The following CD36 variants were observed in gnomAD, a reference collection of about 807,000 sequenced individuals.
CD36 encodes the protein platelet glycoprotein 4.
In CD36, 119 loss-of-function variants were observed where a neutral mutation model predicts 55.2. The ratio of observed to expected loss-of-function variants is 2.15; its 90% CI spans 1.86 to 2.51. The LOEUF is 2.51. CD36 is among the 30% of genes most tolerant of loss of function. The pLI is 0.00. For synonymous variants in CD36, 186 were observed against 193.6 expected, an observed-to-expected ratio of 0.96 and a Z score of 0.33; for missense variants, 819 against 555.5, an observed-to-expected ratio of 1.47 and a Z score of -4.77.
intron 8 of CD36, among the ~76,000 whole-genome samples, chr7:80,667,575 T>TA (rs1161221959): frequency 9.2e-5 from 14 of 151,738 alleles, no homozygotes; most frequent in Admixed American, 2.6e-4. Context: ...ATAACAAAGA[T>TA]AAAGACACTT....
rs1440455402 is a variant in CD36, at chr7:80,661,199, CT to C, written c.419del (p.Leu140ArgfsTer17). On this transcript the variant is annotated frameshift_variant, in exon 5 of 15. Transcript: ENST00000447544. LOFTEE classifies it high-confidence loss of function. ...GGCTGACAACTTCACAGTTCTCAATCTGGCTGTGGCAGTGAGTAGACAAACA... is the reference window on the plus strand; with the variant it reads ...GGCTGACAACTTCACAGTTCTCAATCGGCTGTGGCAGTGAGTAGACAAACA... ...TEADNFTVLNLAVAAASHIYQ... is the reference protein window; with the variant it reads ...TEADNFTVLNXAVAAASHIYQ... 6.2e-7 allele frequency: 1 copy of C among 1,613,962 alleles called. No individual in the cohort carries two copies. Among genetic ancestry groups the C allele is most frequent in the Admixed American group, 1.7e-5 (1 of 60,018 alleles).
chr7:80,608,828 T>C (rs781304288), intron 1 of CD36, among the ~76,000 whole-genome samples: 88 of 152,298 alleles, frequency 5.8e-4, no homozygotes, highest in Non-Finnish European at 1.0e-3. Context: ...CCTAACTAAT[T>C]AGTCACCAAG....
In CD36 at chr7:80,672,814, CCTATTGGTCAAG is replaced by C. The variant is rs763471880; in HGVS notation, c.1172_1183del (p.Leu391_Lys394del). ...AATTTGCAAAACGGCTGCAGGTCAA[CCTATTGGTCAAG>C]CCATCAGAAAAAATTCAGTGAGTCT... On this transcript the variant is annotated inframe_deletion, in exon 12 of 15. Coordinates refer to ENST00000447544, the MANE Select transcript of CD36 (RefSeq NM_001001548.3). The C allele has an allele frequency of 1.7e-5, 28 of 1,610,778 alleles. No individual in the cohort carries two copies. Among genetic ancestry groups the C allele is most frequent in the East Asian group, 1.6e-4 (7 of 44,626 alleles).
At chr7:80,647,282 GTAA>G (rs1795243088) in intron 3 of CD36, 1 of 211,750 alleles carries the variant, frequency 4.7e-6, no homozygotes, top group African/African-American at 2.3e-5. Context: ...GTGTGTGTGT[GTAA>G]TGTGTTTAAT....
intron 1 of CD36, among the ~76,000 whole-genome samples, chr7:80,620,049 T>A (rs760314804): frequency 1.3e-5 from 2 of 152,180 alleles, no homozygotes; most frequent in Admixed American, 6.5e-5. Flanking sequence ...TGAAATCTCC[T>A]GGTGAAGATG....
At chr7:80,672,991 G>C in intron 12 of CD36, 148 bp downstream of exon 12, 1 of 657,450 alleles carries the variant, frequency 1.5e-6, no homozygotes, top group Non-Finnish European at 2.8e-6. Context: ...ATTATTAAAT[G>C]CTTATGACTA....
intron 13 of CD36, 124 bp downstream of exon 13, chr7:80,673,533 T>C: frequency 1.4e-6 from 1 of 707,668 alleles, no homozygotes; most frequent in East Asian, 2.5e-5. Context: ...TATGGATGAG[T>C]ATACATTTAT....
Position 80,669,990 on chromosome 7 carries a change from G to A in CD36, c.786G>A (p.Gln262=). The change falls in exon 9 of 15, where the codon CAG becomes CAA. Residue 262 remains glutamine (Q), a synonymous_variant. Coordinates refer to ENST00000447544, the MANE Select transcript of CD36 (RefSeq NM_001001548.3). ...TTCCACCTTTTGTTGAGAAAAGCCA[G>A]GTATTGCAGTTCTTTTCTTCTGATA... The part of the protein sequence containing the change: ...ASFPPFVEKS[Q]VLQFFSSDIC... The A allele has an allele frequency of 1.2e-6, 2 of 1,611,870 alleles. No homozygotes were observed. Among genetic ancestry groups the A allele is most frequent in the Non-Finnish European group, 1.7e-6 (2 of 1,178,228 alleles).
At chr7:80,648,384 A>T (rs939821552) in intron 3 of CD36, among the ~76,000 whole-genome samples, 5 of 152,128 alleles carry the variant, frequency 3.3e-5, no homozygotes, top group Non-Finnish European at 7.4e-5. Context: ...GATTTAGACT[A>T]CTTTTTTTTG....
At chr7:80,637,393 C>T (rs1254352896), upstream of CD36, among the ~76,000 whole-genome samples, 4 of 151,668 alleles carry the variant, frequency 2.6e-5, no homozygotes, top group Non-Finnish European at 5.9e-5. Flanking sequence ...TAACTGAAAG[C>T]ATAAATTATA....
chr7:80,668,720 T>C (rs1163846958), intron 8 of CD36, among the ~76,000 whole-genome samples: 2 of 152,200 alleles, frequency 1.3e-5, no homozygotes, highest in Non-Finnish European at 2.9e-5. Context: ...TCAATGTCCA[T>C]ATGGGGGCTT....
chr7:80,667,751 T>TTTTTTTG (rs1562817031), intron 8 of CD36, among the ~76,000 whole-genome samples: 1 of 109,302 alleles, frequency 9.1e-6, no homozygotes, highest in African/African-American at 3.0e-5. Flanking sequence ...TCTTTTGTTT[T>TTTTTTTG]TTTTTTTTTT....
chr7:80,627,897 T>A (rs1180067153), intron 1 of CD36, among the ~76,000 whole-genome samples: 1 of 152,038 alleles, frequency 6.6e-6, no homozygotes, highest in African/African-American at 2.4e-5. Flanking sequence ...AGTTAATAAA[T>A]ACCTGTGAAA....
At chr7:80,619,791 G>T (rs1256322473) in intron 1 of CD36, among the ~76,000 whole-genome samples, 1 of 152,164 alleles carries the variant, frequency 6.6e-6, no homozygotes, top group African/African-American at 2.4e-5. Flanking sequence ...CATAGGAAAG[G>T]TTGAAATAGC....
rs3800553 is a variant in CD36 at position 80,649,516 on chromosome 7, A to T, written c.120+2656A>T. On this transcript the variant is annotated intron_variant, in intron 3 of 14. Coordinates refer to ENST00000447544, the MANE Select transcript of CD36 (RefSeq NM_001001548.3). ...TAGAAAAAAAAAACTGATAGATAAT[A>T]GGATGAAATGGAAGCTTGGAGAGAC... Among the ~76,000 whole-genome samples the T allele has an allele frequency of 8.8e-3, 1,332 of 152,100 alleles. 64 individuals carry two copies. In the East Asian group the frequency reaches 0.11, roughly 12 times the overall value.
At chr7:80,624,648 A>G (rs1793648582) in intron 1 of CD36, among the ~76,000 whole-genome samples, 1 of 151,990 alleles carries the variant, frequency 6.6e-6, no homozygotes, top group Non-Finnish European at 1.5e-5. Context: ...TGGTCATCCC[A>G]GCACTTTGAG....
At chr7:80,675,340 C>CA (rs1170926099) in intron 14 of CD36, among the ~76,000 whole-genome samples, 4 of 151,792 alleles carry the variant, frequency 2.6e-5, no homozygotes, top group South Asian at 2.1e-4. Context: ...AACAAAATAA[C>CA]AAAAAAACTT....
intron 7 of CD36, chr7:80,666,207 A>G: frequency 4.1e-6 from 2 of 487,806 alleles, no homozygotes; most frequent in Non-Finnish European, 7.4e-6. Context: ...GATGTTTCTA[A>G]TTAACACCTG....
At chr7:80,674,192 A>G (rs773973153) in intron 14 of CD36, 45 bp downstream of exon 14, 4 of 1,355,346 alleles carry the variant, frequency 3.0e-6, no homozygotes, top group Middle Eastern at 1.8e-4. Flanking sequence ...ATTAGCTTAT[A>G]TATTACTTGT....
Sources: allele counts gnomAD v4.1 joint callset (sites outside exome capture counted in the v4.1 genomes callset), GRCh38; gene constraint gnomAD v4.1.1; transcripts MANE v1.5; gene names NCBI Gene and HGNC (gene_info 2026-07-23, HGNC 2026-07-21).